Variants in KLF12 observed in about 807,000 individuals in gnomAD.
KLF12 encodes KLF transcription factor 12.
In KLF12, 9 loss-of-function variants were observed where a neutral mutation model predicts 37.8. That is an observed-to-expected ratio of 0.24 (90% CI 0.14 to 0.42). KLF12 has a LOEUF of 0.42. KLF12 is among the 10% of genes least tolerant of loss of function. The probability of loss-of-function intolerance (pLI) is 1.00; values close to 1 mark genes in which losing one functional copy is unlikely to be tolerated. For missense variants in KLF12, 411 were observed against 516.0 expected, an observed-to-expected ratio of 0.80 and a Z score of 1.97; for synonymous variants, 208 against 202.1, an observed-to-expected ratio of 1.03 and a Z score of -0.25.
At chr13:74,248,661 A>G in the KLF12 span, among the ~76,000 whole-genome samples, 1 of 152,186 alleles carries the variant, frequency 6.6e-6, no homozygotes, top group South Asian at 2.1e-4. Context: ...GCCCATCATT[A>G]AGGGCTAACC....
intron 1 of KLF12, among the ~76,000 whole-genome samples, chr13:74,125,976 C>A (rs1393394702): frequency 6.6e-6 from 1 of 152,198 alleles, no homozygotes; most frequent in Non-Finnish European, 1.5e-5. Context: ...TGGCTATTCA[C>A]TATAATTTCA....
chr13:73,932,270 G>C (rs1010373331), intron 3 of KLF12, among the ~76,000 whole-genome samples: 1 of 152,116 alleles, frequency 6.6e-6, no homozygotes, highest in African/African-American at 2.4e-5. Flanking sequence ...TAGATGAAAA[G>C]AAGTTCATAT....
At chr13:74,134,327 G>T (rs1370758253), upstream of KLF12, among the ~76,000 whole-genome samples, 1 of 151,824 alleles carries the variant, frequency 6.6e-6, no homozygotes, top group African/African-American at 2.4e-5. Flanking sequence ...CGCTCAGCAG[G>T]CGCTAAGTCG....
chr13:73,952,463 T>C (rs1307101505), intron 2 of KLF12, among the ~76,000 whole-genome samples: 3 of 152,280 alleles, frequency 2.0e-5, no homozygotes, highest in East Asian at 1.9e-4. Flanking sequence ...TGGTGCTAAA[T>C]CATTAGAAAC....
intron 1 of KLF12, among the ~76,000 whole-genome samples, chr13:74,043,228 G>C (rs1254317486): frequency 6.6e-6 from 1 of 152,170 alleles, no homozygotes; most frequent in Non-Finnish European, 1.5e-5. Context: ...GTAATCCTTT[G>C]ACAGATTAAA....
intron 3 of KLF12, among the ~76,000 whole-genome samples, chr13:73,875,678 G>A (rs1886670904): frequency 6.6e-6 from 1 of 151,974 alleles, no homozygotes; most frequent in Non-Finnish European, 1.5e-5. Flanking sequence ...AAAAATAATT[G>A]ATAAAGGTGT....
At chr13:73,967,980 T>C (rs1032678113) in intron 2 of KLF12, among the ~76,000 whole-genome samples, 2 of 152,236 alleles carry the variant, frequency 1.3e-5, no homozygotes, top group Admixed American at 6.5e-5. Context: ...GTCAGGCTAC[T>C]ACTTCTCAAT....
chr13:74,113,861 T>G (rs1226836597), intron 1 of KLF12, among the ~76,000 whole-genome samples: 1 of 152,230 alleles, frequency 6.6e-6, no homozygotes, highest in East Asian at 1.9e-4. Flanking sequence ...TGATTCATCA[T>G]TCTAGATGTC....
Position 74,122,983 on chromosome 13 carries a change from T to C in KLF12, c.-32+10756A>G, listed in dbSNP as rs542910694. On this transcript the variant is annotated intron_variant, in intron 1 of 7. Coordinates refer to ENST00000377669, the MANE Select transcript of KLF12 (RefSeq NM_007249.5). ...ACTAAAAAAAAAAAAAAAAAAAGAATGAATTTAAAAGTTTCCATACAAGTA... is the reference window on the plus strand; with the variant it reads ...ACTAAAAAAAAAAAAAAAAAAAGAACGAATTTAAAAGTTTCCATACAAGTA... 9.1e-3 allele frequency among the ~76,000 whole-genome samples: 1,093 copies of C among 119,808 alleles called. 10 individuals are homozygous for C. Among genetic ancestry groups the C allele is most frequent in the South Asian group, 0.074 (286 of 3,860 alleles). 78.6% of individuals were successfully genotyped at this position (119,808 alleles called of 152,430 possible).
intron 3 of KLF12, among the ~76,000 whole-genome samples, chr13:73,881,622 A>G (rs1886984643): frequency 6.6e-6 from 1 of 152,150 alleles, no homozygotes; most frequent in Admixed American, 6.5e-5. Context: ...CTCATTTTGC[A>G]TCTCCTCTGT....
the KLF12 span, among the ~76,000 whole-genome samples, chr13:74,217,194 C>T: frequency 2.0e-5 from 3 of 151,802 alleles, no homozygotes; most frequent in African/African-American, 7.3e-5. Flanking sequence ...AAAGGGTGGA[C>T]TTTAATGTTT....
chr13:74,207,934 A>G, the KLF12 span, among the ~76,000 whole-genome samples: 4 of 152,178 alleles, frequency 2.6e-5, no homozygotes, highest in African/African-American at 9.6e-5. Flanking sequence ...AATTAAGTGA[A>G]TTGTAAGTAT....
the KLF12 span, among the ~76,000 whole-genome samples, chr13:74,241,487 G>C: frequency 1.5e-4 from 23 of 152,258 alleles, no homozygotes; most frequent in Admixed American, 2.6e-4. Context: ...TCGAGCTTCT[G>C]GGCTGCTTTG....
At chr13:74,148,809 T>C in the KLF12 span, among the ~76,000 whole-genome samples, 7 of 152,198 alleles carry the variant, frequency 4.6e-5, no homozygotes, top group East Asian at 1.4e-3. Context: ...ATGTTTATTC[T>C]TGGATCTCTT....
At chr13:73,946,853 T>C (rs1038088415) in intron 2 of KLF12, among the ~76,000 whole-genome samples, 1 of 152,218 alleles carries the variant, frequency 6.6e-6, no homozygotes, top group African/African-American at 2.4e-5. Flanking sequence ...GCGTTCAGTA[T>C]CACAGCATGC....
At chr13:73,832,335 A>G (rs1025676973) in intron 4 of KLF12, among the ~76,000 whole-genome samples, 2 of 152,142 alleles carry the variant, frequency 1.3e-5, no homozygotes, top group Non-Finnish European at 2.9e-5. Flanking sequence ...TCCCCTTCTT[A>G]TAATGTAAGA....
intron 6 of KLF12, among the ~76,000 whole-genome samples, chr13:73,719,763 G>A (rs1459900186): frequency 2.0e-5 from 3 of 152,006 alleles, no homozygotes; most frequent in African/African-American, 7.3e-5. Flanking sequence ...CACCATGCCT[G>A]GCTAACGTTT....
intron 3 of KLF12, among the ~76,000 whole-genome samples, chr13:73,896,037 GT>G (rs1272247903): frequency 6.6e-6 from 1 of 151,908 alleles, no homozygotes; most frequent in Non-Finnish European, 1.5e-5. Flanking sequence ...GGCCAGGCTG[GT>G]CTTGAACTCT....
intron 5 of KLF12, among the ~76,000 whole-genome samples, chr13:73,806,722 G>A (rs148576287): frequency 4.0e-5 from 6 of 151,160 alleles, no homozygotes; most frequent in Admixed American, 2.0e-4. Flanking sequence ...CCAGGCCTCC[G>A]CTTCTTTATC....
Sources: gnomAD v4.1 joint callset for allele counts (sites outside exome capture counted in the v4.1 genomes callset) on GRCh38, gnomAD v4.1.1 for gene constraint, MANE v1.5 for transcripts, NCBI Gene and HGNC (gene_info 2026-07-23, HGNC 2026-07-21) for gene names.